Variants in CLDN10 observed in about 807,000 individuals in gnomAD.
The protein encoded by CLDN10 is claudin-10.
Under a neutral mutation model 22.9 loss-of-function variants are expected in CLDN10, and 15 were observed. The ratio of observed to expected loss-of-function variants is 0.65; its 90% CI spans 0.44 to 1.01. The LOEUF is 1.01. Ranked by LOEUF, CLDN10 falls within the 50% of genes least tolerant of loss-of-function variation. The probability of loss-of-function intolerance (pLI) is 0.00; values close to 1 mark genes in which losing one functional copy is unlikely to be tolerated. For synonymous variants in CLDN10, 114 were observed against 111.4 expected (o/e 1.02, Z -0.15); for missense variants, 247 against 287.8 (o/e 0.86, Z 1.03).
rs1186608845 is a variant in CLDN10, at chr13:95,510,248, C to T, written c.215-49884C>T. 2.0e-5 allele frequency among the ~76,000 whole-genome samples: 3 copies of T among 152,350 alleles called. No homozygotes were observed. In the East Asian group the frequency reaches 5.8e-4, roughly 29 times the overall value. On this transcript the variant is annotated intron_variant, in intron 1 of 4. Transcript: ENST00000376873. The stretch of plus-strand genomic sequence containing the variant: ...GACAAGGGAGAAAATCTGGACATTT[C>T]TGCCTTTGAGTTTTGCTTAGGCCAA...
intron 1 of CLDN10, among the ~76,000 whole-genome samples, chr13:95,477,675 C>T (rs1252690267): frequency 6.6e-6 from 1 of 152,160 alleles, no homozygotes; most frequent in Non-Finnish European, 1.5e-5. Context: ...GGTTGATGTC[C>T]TGCCAACCCT....
intron 1 of CLDN10, among the ~76,000 whole-genome samples, chr13:95,538,843 T>C (rs2043428770): frequency 6.6e-6 from 1 of 152,214 alleles, no homozygotes; most frequent in Admixed American, 6.5e-5. Context: ...AGGCGATTTT[T>C]AAGTACTCAA....
chr13:95,514,364 C>T (rs888903540), intron 1 of CLDN10, among the ~76,000 whole-genome samples: 4 of 152,124 alleles, frequency 2.6e-5, no homozygotes, highest in African/African-American at 7.2e-5. Flanking sequence ...AATAAGCAAA[C>T]GTTAACAATC....
chr13:95,556,001 T>C (rs905475082), intron 1 of CLDN10, among the ~76,000 whole-genome samples: 1 of 152,032 alleles, frequency 6.6e-6, no homozygotes, highest in Non-Finnish European at 1.5e-5. Flanking sequence ...TTGTGTTAGG[T>C]AGAAGAACTC....
At chr13:95,516,563 C>T (rs116622843) in intron 1 of CLDN10, among the ~76,000 whole-genome samples, 1,539 of 152,132 alleles carry the variant, frequency 0.01, 26 homozygotes, top group African/African-American at 0.035. Context: ...AAAATATTTA[C>T]AAGGAAATGG....
At position 95,552,815 on chromosome 13, in the gene CLDN10, T is replaced by C. The variant is rs1157773336; in HGVS notation, c.62T>C (p.Val21Ala). ...FMVSISGWVL[V>A]SSTLPTDYWK... ...GTCTCCATCTCAGGCTGGGTACTGG[T>C]GTCCTCCACGCTGCCCACCGACTAC... The change falls in exon 1 of 5, where the codon GTG (valine) becomes GCG (alanine). Residue 21 changes from valine (V) to alanine (A), a missense_variant. By Grantham distance (64) the Val-to-Ala change is moderately conservative. Transcript: ENST00000299339. 5 of 1,613,950 alleles carry C rather than the reference T, an allele frequency of 3.1e-6. No homozygotes were observed. The Admixed American group carries it at 6.7e-5, about 22-fold the overall frequency.
At chr13:95,529,232 G>A (rs1455689848) in intron 1 of CLDN10, among the ~76,000 whole-genome samples, 1 of 151,938 alleles carries the variant, frequency 6.6e-6, no homozygotes, top group Non-Finnish European at 1.5e-5. Flanking sequence ...AGATACTATT[G>A]AGATCTCTTT....
chr13:95,498,489 G>A (rs1283020331), intron 1 of CLDN10, among the ~76,000 whole-genome samples: 2 of 152,048 alleles, frequency 1.3e-5, no homozygotes, highest in Non-Finnish European at 1.5e-5. Context: ...CAACCTCCTG[G>A]GCTCAGGTAA....
chr13:95,470,395 G>A (rs183350952), intron 1 of CLDN10, among the ~76,000 whole-genome samples: 2 of 152,226 alleles, frequency 1.3e-5, no homozygotes, highest in East Asian at 1.9e-4. Context: ...CCATAGGTGC[G>A]CACCATCATG....
At chr13:95,560,753 G>A in intron 3 of CLDN10, 1 of 322,908 alleles carries the variant, frequency 3.1e-6, no homozygotes, top group Non-Finnish European at 5.7e-6. Context: ...GTCAAGTAGA[G>A]GAAACGTGAA....
At chr13:95,448,751 A>ATTTTATTTTATTTTATTTTATTTTT (rs1417560867) in intron 1 of CLDN10, among the ~76,000 whole-genome samples, 1 of 151,400 alleles carries the variant, frequency 6.6e-6, no homozygotes, top group Non-Finnish European at 1.5e-5. Context: ...ATTTTATTTT[A>ATTTTATTTTATTTTATTTTATTTTT]TTTTGAGGCA....
chr13:95,436,598 T>C (rs7993213), intron 1 of CLDN10, among the ~76,000 whole-genome samples: 62,295 of 152,038 alleles, frequency 0.41, 13,354 homozygotes, highest in South Asian at 0.52. Context: ...TGACAATGCT[T>C]CCCTAAGAAC....
chr13:95,505,422 G>T (rs547931087), intron 1 of CLDN10, among the ~76,000 whole-genome samples: 6 of 152,196 alleles, frequency 3.9e-5, no homozygotes, highest in Non-Finnish European at 7.3e-5. Context: ...ACTTGAAGTC[G>T]TTGGCTGACT....
intron 1 of CLDN10, among the ~76,000 whole-genome samples, chr13:95,481,950 C>T (rs1279486816): frequency 1.3e-5 from 2 of 152,128 alleles, no homozygotes; most frequent in East Asian, 1.9e-4. Context: ...ACCCAGGAGG[C>T]GGAGGTTGCA....
In CLDN10 at chr13:95,552,816, G is replaced by GTCC. The variant is rs2043583228; in HGVS notation, c.67_69dup (p.Ser23dup). 1 of 1,613,906 alleles carries GTCC rather than the reference G, an allele frequency of 6.2e-7. No homozygotes were observed. Among genetic ancestry groups the GTCC allele is most frequent in the South Asian group, 1.1e-5 (1 of 91,084 alleles). On this transcript the variant is annotated inframe_insertion, in exon 1 of 5. Transcript: ENST00000299339. ...TCTCCATCTCAGGCTGGGTACTGGT[G>GTCC]TCCTCCACGCTGCCCACCGACTACT...
chr13:95,480,454 G>T (rs774582130), intron 1 of CLDN10, among the ~76,000 whole-genome samples: 2 of 152,206 alleles, frequency 1.3e-5, no homozygotes, highest in Non-Finnish European at 2.9e-5. Flanking sequence ...ATGCGGAAGA[G>T]AGATAATGAG....
At position 95,498,557 on chromosome 13, in the gene CLDN10, G is replaced by C. The variant is rs575454051; in HGVS notation, c.215-61575G>C. Among the ~76,000 whole-genome samples the C allele has an allele frequency of 3.9e-5, 6 of 152,134 alleles. No homozygotes were observed. In the South Asian group the frequency reaches 1.2e-3, roughly 32 times the overall value. ...CTACAGGCACAAGCCACCACGCCTG[G>C]CTGATTTTTGTATTTTTAGTAGAGA... On this transcript the variant is annotated intron_variant, in intron 1 of 4. Transcript: ENST00000376873.
intron 1 of CLDN10, among the ~76,000 whole-genome samples, chr13:95,447,479 C>A (rs1010648637): frequency 6.6e-6 from 1 of 152,188 alleles, no homozygotes; most frequent in Non-Finnish European, 1.5e-5. Context: ...ATGTCTGGTT[C>A]CAGGTGGTAG....
At chr13:95,532,387 GA>G (rs1454835280) in intron 1 of CLDN10, among the ~76,000 whole-genome samples, 2 of 152,056 alleles carry the variant, frequency 1.3e-5, no homozygotes, top group Non-Finnish European at 2.9e-5. Context: ...ATAAGCACAT[GA>G]AAAAGTGCTC....
Sources: gnomAD v4.1 joint callset for allele counts (sites outside exome capture counted in the v4.1 genomes callset) on GRCh38, gnomAD v4.1.1 for gene constraint, MANE v1.5 for transcripts, NCBI Gene and HGNC (gene_info 2026-07-23, HGNC 2026-07-21) for gene names.